The following MAP3K12 variants were observed in gnomAD, a reference collection of about 807,000 sequenced individuals.
MAP3K12 encodes MAPK-upstream kinase.
In MAP3K12, 14 loss-of-function variants were observed where a neutral mutation model predicts 87.5. That is an observed-to-expected ratio of 0.16 (90% CI 0.11 to 0.25). The LOEUF (loss-of-function observed/expected upper bound fraction) is 0.25. Ranked by LOEUF, MAP3K12 falls within the 10% of genes least tolerant of loss-of-function variation. MAP3K12 has a pLI of 1.00. For missense variants in MAP3K12, 802 were observed against 1,140.4 expected, an observed-to-expected ratio of 0.70 and a Z score of 4.27; for synonymous variants, 469 against 452.5, an observed-to-expected ratio of 1.04 and a Z score of -0.46.
At chr12:53,498,450 C>G (rs57969328) in intron 1 of MAP3K12, among the ~76,000 whole-genome samples, 1 of 152,094 alleles carries the variant, frequency 6.6e-6, no homozygotes, top group Non-Finnish European at 1.5e-5. Flanking sequence ...GGCCACTCAC[C>G]TACGCTCCTC....
At chr12:53,481,765 A>G in intron 13 of MAP3K12, 176 bp downstream of exon 13, 1 of 701,416 alleles carries the variant, frequency 1.4e-6, no homozygotes, top group Non-Finnish European at 2.3e-6. Flanking sequence ...GCTACTGGTC[A>G]GGCATCGTAA....
chr12:53,495,015 G>C (rs1319653794), intron 1 of MAP3K12, among the ~76,000 whole-genome samples: 2 of 151,710 alleles, frequency 1.3e-5, no homozygotes, highest in Non-Finnish European at 2.9e-5. Flanking sequence ...TGAGTAGCTG[G>C]GACTACAGGC....
At chr12:53,496,860 A>G (rs1943557774) in intron 1 of MAP3K12, among the ~76,000 whole-genome samples, 1 of 152,178 alleles carries the variant, frequency 6.6e-6, no homozygotes, top group African/African-American at 2.4e-5. Context: ...GGTAGAGGAG[A>G]GAACACAGGC....
At chr12:53,484,762 C>A in intron 6 of MAP3K12, 1 of 487,662 alleles carries the variant, frequency 2.1e-6, no homozygotes. Context: ...CTCAACCAAC[C>A]ATGCTTGGTG....
At chr12:53,495,646 T>C (rs1242371644) in intron 1 of MAP3K12, among the ~76,000 whole-genome samples, 3 of 151,674 alleles carry the variant, frequency 2.0e-5, no homozygotes, top group Non-Finnish European at 4.4e-5. Context: ...AGTCTAGGTC[T>C]CCCAAAATGC....
intron 6 of MAP3K12, 164 bp downstream of exon 6, chr12:53,484,885 ATACCAAT>A: frequency 2.7e-6 from 2 of 742,766 alleles, no homozygotes; most frequent in Non-Finnish European, 4.3e-6. Context: ...TTCAGAGTAG[ATACCAAT>A]TACCCCTGGT....
chr12:53,485,658 T>G (rs1943208190), intron 4 of MAP3K12, 183 bp from the exon 5 acceptor site: 4 of 640,730 alleles, frequency 6.2e-6, no homozygotes, highest in South Asian at 3.8e-5. Context: ...TGGGTTCAAG[T>G]GATTCTCCTG....
chr12:53,492,078 A>G (rs1185589155), intron 1 of MAP3K12, among the ~76,000 whole-genome samples: 1 of 150,052 alleles, frequency 6.7e-6, no homozygotes, highest in East Asian at 2.0e-4. Context: ...CTGTTTCAAA[A>G]AAAAAAAAAA....
intron 6 of MAP3K12, 63 bp downstream of exon 6, chr12:53,484,993 G>C: frequency 6.3e-7 from 1 of 1,597,222 alleles, no homozygotes; most frequent in Non-Finnish European, 8.6e-7. Context: ...GGTCAGTCCA[G>C]CCCAGTACTA....
chr12:53,482,029 A>T lies in MAP3K12; in HGVS notation c.2492T>A (p.Ile831Asn). 1 of 1,614,068 alleles carries T rather than the reference A, an allele frequency of 6.2e-7. No individual in the cohort carries two copies. Among genetic ancestry groups the T allele is most frequent in the Non-Finnish European group, 8.5e-7 (1 of 1,180,024 alleles). ...SDDMCSQGSE[I>N]PLDPPPSEVI... ...CTCTGAAGGAGGTGGGTCCAGTGGG[A>T]TTTCTGAGCCCTGGGAGCACATGTC... The change falls in exon 13 of 14, where the codon ATC becomes AAC. Residue 831 changes from isoleucine to asparagine, a missense_variant. This residue lies in a region of MAP3K12 where 490 missense variants were observed against 496.6 expected (regional missense o/e 0.99). Coordinates refer to ENST00000547488, the MANE Select transcript of MAP3K12 (RefSeq NM_001193511.2).
intron 1 of MAP3K12, among the ~76,000 whole-genome samples, chr12:53,494,215 C>T (rs748904969): frequency 6.6e-5 from 10 of 152,178 alleles, no homozygotes; most frequent in Admixed American, 6.5e-5. Context: ...GCTGTCTCTC[C>T]GTTATCAATT....
rs1201899837 is a variant in MAP3K12, at chr12:53,486,941, G to A, written c.445+6C>T. 53 of 1,611,274 alleles carry A rather than the reference G, an allele frequency of 3.3e-5. No homozygotes were observed. Among genetic ancestry groups the A allele is most frequent in the Non-Finnish European group, 3.9e-5 (46 of 1,177,720 alleles). ...GAGAGGAGGCTCCCACAAGGACGTG[G>A]CCTACCTTCCTGCTGCTGCTTGTGC... On this transcript the variant is annotated splice_donor_region_variant and intron_variant, in intron 2 of 13. Coordinates refer to ENST00000547488, the MANE Select transcript of MAP3K12 (RefSeq NM_001193511.2). The surrounding 1 kb of genome is among the most constrained non-coding windows in gnomAD (Gnocchi z 4.9).
At chr12:53,489,864 C>T (rs1943353269) in intron 1 of MAP3K12, among the ~76,000 whole-genome samples, 1 of 152,182 alleles carries the variant, frequency 6.6e-6, no homozygotes, top group Non-Finnish European at 1.5e-5. Flanking sequence ...AAAGCTCTAA[C>T]CCAGTGCATG....
chr12:53,479,737 A>G lies in MAP3K12; in HGVS notation c.*1445T>C, dbSNP rs1267179657. On this transcript the variant is annotated 3_prime_UTR_variant, in exon 14 of 14. Transcript: ENST00000547488. ...AAATGTAAGAGTGGAATATTAATAC[A>G]TTTCAGTTTAGTTCTGTAATGTCAG... 1 of 242,898 alleles carries G rather than the reference A, an allele frequency of 4.1e-6. No homozygotes were observed. Among genetic ancestry groups the G allele is most frequent in the Admixed American group, 6.1e-5 (1 of 16,262 alleles). The allele number at this position is 242,898 out of a possible 1,614,324, so 15.0% of individuals were successfully genotyped here.
In MAP3K12 at chr12:53,482,975, G is replaced by A; in HGVS notation, c.1828C>T (p.Pro610Ser). Residue 610 changes from proline (P) to serine (S), a missense_variant, in exon 11 of 14, where the codon CCA becomes TCA. Physicochemically the swap from Pro to Ser is moderately conservative, Grantham distance 74 (BLOSUM62 -1). This residue lies in a region of MAP3K12 where 490 missense variants were observed against 496.6 expected (regional missense o/e 0.99). Coordinates refer to ENST00000547488, the MANE Select transcript of MAP3K12 (RefSeq NM_001193511.2). ...GAGGGTCCCCCTCCTAGGCCCCCTGGGCTTCCTGGTCCTCCAGGTTCATGG... is the reference window on the plus strand; with the variant it reads ...GAGGGTCCCCCTCCTAGGCCCCCTGAGCTTCCTGGTCCTCCAGGTTCATGG... ...PPHEPGGPGS[P>S]GGLGGGPSAW... The A allele has an allele frequency of 6.3e-7, 1 of 1,583,438 alleles. No individual in the cohort carries two copies. The highest frequency in any genetic ancestry group is 8.6e-7 in the Non-Finnish European group (1 of 1,166,058).
rs924856280 is a variant in MAP3K12 at position 53,486,715 on chromosome 12, G to A, written c.446-93C>T. 12 of 1,452,472 alleles carry A rather than the reference G, an allele frequency of 8.3e-6. No individual in the cohort carries two copies. Among genetic ancestry groups the A allele is most frequent in the Middle Eastern group, 2.1e-4 (1 of 4,674 alleles). The allele number at this position is 1,452,472 out of a possible 1,614,324, so 90.0% of individuals were successfully genotyped here. A position where few individuals can be genotyped will look rare whatever the true frequency, so the allele number is the denominator to read the frequency against. ...CATTGGGTTGGCTGAATTGACTTAA[G>A]GAGGGTGAGGCAGAAAGCCAAAAAT... On this transcript the variant is annotated intron_variant, in intron 2 of 13. Coordinates refer to ENST00000547488, the MANE Select transcript of MAP3K12 (RefSeq NM_001193511.2). This position sits in a 1 kb window ranked among gnomAD's most constrained non-coding sequence, Gnocchi z 4.9.
At chr12:53,501,258 G>C (rs1234921378), upstream of MAP3K12, 1 of 760,722 alleles carries the variant, frequency 1.3e-6, no homozygotes, top group East Asian at 2.7e-5. Flanking sequence ...TCACGAAGTA[G>C]GGTGGGCGGG....
rs527895227 is a variant in MAP3K12 at position 53,483,057 on chromosome 12, C to T, written c.1746G>A (p.Lys582=). The change falls in exon 11 of 14, where the codon AAG becomes AAA. Residue 582 remains lysine (K), a synonymous_variant. Coordinates refer to ENST00000547488, the MANE Select transcript of MAP3K12 (RefSeq NM_001193511.2). Reference sequence around the variant, plus strand: ...CCCCACAGCTCCCCTTGGCGCTGGCCTTGCGGTGACGGGTCTTGCCACGGC... The same window carrying T: ...CCCCACAGCTCCCCTTGGCGCTGGCTTTGCGGTGACGGGTCTTGCCACGGC... The part of the protein sequence containing the change: ...RSRRGKTRHR[K]ASAKGSCGDL... The T allele has an allele frequency of 2.6e-6, 4 of 1,545,826 alleles. No individual in the cohort carries two copies. The highest frequency in any genetic ancestry group is 3.5e-6 in the Non-Finnish European group (4 of 1,147,586).
chr12:53,491,893 G>A (rs916287952), intron 1 of MAP3K12, among the ~76,000 whole-genome samples: 5 of 151,358 alleles, frequency 3.3e-5, no homozygotes, highest in African/African-American at 1.2e-4. Context: ...GGGGAACATG[G>A]GGAGAGCCTG....
Sources: gnomAD v4.1 joint callset for allele counts (sites outside exome capture counted in the v4.1 genomes callset) on GRCh38, gnomAD v4.1.1 for gene constraint, gnomAD v4.1.1 regional missense constraint, Gnocchi (gnomAD v3.1) non-coding constraint, MANE v1.5 for transcripts, NCBI Gene and HGNC (gene_info 2026-07-23, HGNC 2026-07-21) for gene names.